The following MICAL3 variants were observed in gnomAD, a reference collection of about 807,000 sequenced individuals.
The protein encoded by MICAL3 is [F-actin]-monooxygenase MICAL3.
MICAL3 carries 62 observed loss-of-function variants against 207.4 expected under a neutral mutation model. The ratio of observed to expected loss-of-function variants is 0.30; its 90% confidence interval spans 0.24 to 0.37. The LOEUF is 0.37. MICAL3 is among the 10% of genes least tolerant of loss of function. The probability of loss-of-function intolerance (pLI) is 1.00; values close to 1 mark genes in which losing one functional copy is unlikely to be tolerated. For synonymous variants in MICAL3, 1,077 were observed against 1,069.3 expected (o/e 1.01, Z -0.14); for missense variants, 2,368 against 2,635.6 (o/e 0.90, Z 2.22).
At chr22:17,827,524 T>C (rs1379715475) in intron 22 of MICAL3, 120 bp downstream of exon 22, 1 of 1,080,410 alleles carries the variant, frequency 9.3e-7, no homozygotes, top group Non-Finnish European at 1.3e-6. Flanking sequence ...GGGATGCGCC[T>C]GGCTCCCGTG....
chr22:17,994,503 A>T (rs1264244523), intron 1 of MICAL3, among the ~76,000 whole-genome samples: 4 of 152,338 alleles, frequency 2.6e-5, no homozygotes, highest in Non-Finnish European at 5.9e-5. Context: ...ACCTGAGCCC[A>T]GCAGTTCAAG....
At chr22:17,995,002 T>C (rs912778600) in intron 1 of MICAL3, among the ~76,000 whole-genome samples, 4 of 152,050 alleles carry the variant, frequency 2.6e-5, no homozygotes, top group African/African-American at 9.7e-5. Flanking sequence ...ATAACACACA[T>C]GCACTCTGAG....
chr22:17,966,169 C>G (rs1299966503), intron 1 of MICAL3, among the ~76,000 whole-genome samples: 2 of 152,282 alleles, frequency 1.3e-5, no homozygotes, highest in South Asian at 4.1e-4. Context: ...GTTTCCTTAT[C>G]ATCCACTGCT....
intron 1 of MICAL3, among the ~76,000 whole-genome samples, chr22:17,926,568 C>T (rs1418428137): frequency 6.6e-6 from 1 of 152,222 alleles, no homozygotes; most frequent in Non-Finnish European, 1.5e-5. Flanking sequence ...ACTCAGGTTA[C>T]TCAAAATAGA....
intron 28 of MICAL3, among the ~76,000 whole-genome samples, chr22:17,810,297 T>A (rs2062033225): frequency 6.6e-6 from 1 of 152,102 alleles, no homozygotes; most frequent in Non-Finnish European, 1.5e-5. Flanking sequence ...TCTCCTGACC[T>A]TGTGATCCGC....
intron 1 of MICAL3, among the ~76,000 whole-genome samples, chr22:17,988,646 G>A (rs1182223046): frequency 2.0e-5 from 3 of 151,968 alleles, no homozygotes; most frequent in Non-Finnish European, 2.9e-5. Flanking sequence ...TAGTAGAGAC[G>A]GGGGTTTCAC....
chr22:17,901,069 G>A (rs1236189835), intron 5 of MICAL3, 72 bp from the exon 6 acceptor site: 15 of 1,470,102 alleles, frequency 1.0e-5, no homozygotes, highest in East Asian at 4.5e-5. Flanking sequence ...ATAAAGTGGG[G>A]GTGCTGATAA....
Position 17,827,781 on chromosome 22 carries a change from G to C in MICAL3, c.3056C>G (p.Ala1019Gly). The change falls in exon 22 of 32, where the codon GCC becomes GGC. Residue 1019 changes from alanine (A) to glycine (G), a missense_variant and splice_region_variant. Physicochemically the swap from Ala to Gly is moderately conservative, Grantham distance 60. Around this residue, in one of 4 missense-constraint regions of MICAL3, gnomAD observed 1,770 missense variants for 1,863.2 expected, o/e 0.95. Coordinates refer to ENST00000441493, the MANE Select transcript of MICAL3 (RefSeq NM_015241.3). ...YDEEEEESSE[A>G]GNQRLQQVMH... Reference sequence around the variant, plus strand: ...GACCTGCTGGAGCCTCTGGTTCCCGGCTAGTGTCCCAGGGTCAAGGGGTGG... The same window carrying C: ...GACCTGCTGGAGCCTCTGGTTCCCGCCTAGTGTCCCAGGGTCAAGGGGTGG... The C allele has an allele frequency of 6.5e-7, 1 of 1,547,306 alleles. No homozygotes were observed. Among genetic ancestry groups the C allele is most frequent in the Non-Finnish European group, 8.7e-7 (1 of 1,144,986 alleles).
intron 19 of MICAL3, among the ~76,000 whole-genome samples, chr22:17,858,816 C>T (rs1236655501): frequency 6.6e-6 from 1 of 152,228 alleles, no homozygotes; most frequent in Non-Finnish European, 1.5e-5. Context: ...CTGGAAGCCT[C>T]AGGCATCGCT....
At chr22:17,866,667 A>ACAGAACAGAACAG (rs1491306738) in intron 17 of MICAL3, among the ~76,000 whole-genome samples, 3 of 96,364 alleles carry the variant, frequency 3.1e-5, no homozygotes, top group African/African-American at 1.3e-4. Context: ...ATAGAATAGA[A>ACAGAACAGAACAG]TATAGAATAG....
At chr22:17,864,430 C>T (rs749678439) in intron 19 of MICAL3, 53 of 1,401,954 alleles carry the variant, frequency 3.8e-5, no homozygotes, top group African/African-American at 4.3e-5. Flanking sequence ...AACAAGACCA[C>T]GGGGCTTAAT....
At chr22:17,956,707 G>A (rs1277330009) in intron 1 of MICAL3, among the ~76,000 whole-genome samples, 1 of 152,186 alleles carries the variant, frequency 6.6e-6, no homozygotes. Context: ...GCAAAGGAGA[G>A]CTGCGAGGAC....
intron 1 of MICAL3, among the ~76,000 whole-genome samples, chr22:17,940,825 C>A (rs1933772309): frequency 6.6e-6 from 1 of 152,170 alleles, no homozygotes; most frequent in African/African-American, 2.4e-5. Context: ...CCTCACAGGA[C>A]AGGCCAGCAT....
chr22:17,979,884 A>G (rs1214389533), intron 1 of MICAL3, among the ~76,000 whole-genome samples: 1 of 152,134 alleles, frequency 6.6e-6, no homozygotes, highest in Admixed American at 6.5e-5. Context: ...AGGCCGGAGT[A>G]CAGCACAATC....
chr22:17,982,933 A>C (rs1007019463), intron 1 of MICAL3, among the ~76,000 whole-genome samples: 3 of 152,218 alleles, frequency 2.0e-5, no homozygotes, highest in African/African-American at 7.2e-5. Context: ...GTATTCCTTA[A>C]AGCTTGTGAG....
In MICAL3 at chr22:17,790,689, G is replaced by A; in HGVS notation, c.*43C>T. 1 of 1,538,614 alleles carries A rather than the reference G, an allele frequency of 6.5e-7. No individual in the cohort carries two copies. The highest frequency in any genetic ancestry group is 1.2e-5 in the South Asian group (1 of 83,442). ...CCGGGTGGTTTGGATGCCACTGCCTGGCCAGGCGGATGCCAACAGAAAATG... is the reference window on the plus strand; with the variant it reads ...CCGGGTGGTTTGGATGCCACTGCCTAGCCAGGCGGATGCCAACAGAAAATG... On this transcript the variant is annotated 3_prime_UTR_variant, in exon 32 of 32. Coordinates refer to ENST00000441493, the MANE Select transcript of MICAL3 (RefSeq NM_015241.3).
chr22:17,856,751 A>G (rs944555869), intron 19 of MICAL3, among the ~76,000 whole-genome samples: 14 of 151,404 alleles, frequency 9.2e-5, no homozygotes, highest in African/African-American at 3.4e-4. Context: ...CCTCCCGAGT[A>G]GCTGGGACTA....
At chr22:17,860,810 C>T (rs370483777) in intron 19 of MICAL3, 23 of 985,342 alleles carry the variant, frequency 2.3e-5, no homozygotes, top group East Asian at 2.3e-4. Flanking sequence ...GCTGCCCGTA[C>T]GCTGCTGTGC....
At chr22:17,816,862 G>A in intron 26 of MICAL3, 78 bp from the exon 27 acceptor site, 1 of 1,087,534 alleles carries the variant, frequency 9.2e-7, no homozygotes, top group Non-Finnish European at 1.4e-6. Context: ...GCTCCCATGT[G>A]CAGCCAAGGA....
Sources: allele counts gnomAD v4.1 joint callset (sites outside exome capture counted in the v4.1 genomes callset), GRCh38; gene constraint gnomAD v4.1.1; regional missense constraint gnomAD v4.1.1; transcripts MANE v1.5; gene names NCBI Gene and HGNC (gene_info 2026-07-23, HGNC 2026-07-21).